Variants in IFTAP observed in about 807,000 individuals in gnomAD.
The protein encoded by IFTAP is intraflagellar transport-associated protein.
A neutral mutation model predicts 19.4 loss-of-function variants in IFTAP; 19 were observed. The ratio of observed to expected loss-of-function variants is 0.98; its 90% confidence interval spans 0.68 to 1.44. The LOEUF is 1.44. Among genes scored for constraint, IFTAP ranks in the 40% most tolerant of loss-of-function variants. The probability of loss-of-function intolerance (pLI) is 0.00; values close to 1 mark genes in which losing one functional copy is unlikely to be tolerated. For synonymous variants in IFTAP, 85 were observed against 83.5 expected, an observed-to-expected ratio of 1.02 and a Z score of -0.10; for missense variants, 240 against 253.6, an observed-to-expected ratio of 0.95 and a Z score of 0.36.
intron 4 of IFTAP, among the ~76,000 whole-genome samples, chr11:36,642,655 C>G (rs1853273991): frequency 6.6e-6 from 1 of 152,108 alleles, no homozygotes; most frequent in Non-Finnish European, 1.5e-5. Context: ...AAAGCTTACC[C>G]ACTATGATCA....
intron 4 of IFTAP, among the ~76,000 whole-genome samples, chr11:36,646,670 T>C (rs1291723698): frequency 6.6e-6 from 1 of 152,174 alleles, no homozygotes; most frequent in African/African-American, 2.4e-5. Context: ...GATAAGAGCA[T>C]GGGCTCTGTA....
chr11:36,594,790 T>G (rs1410245448), intron 1 of IFTAP, 198 bp downstream of exon 1: 2 of 153,426 alleles, frequency 1.3e-5, no homozygotes, highest in Non-Finnish European at 2.9e-5. Flanking sequence ...CAACTGCTTC[T>G]GTTGGAGTGC....
intron 1 of IFTAP, among the ~76,000 whole-genome samples, chr11:36,601,614 GAGTT>G (rs1053212170): frequency 9.9e-5 from 15 of 152,090 alleles, no homozygotes; most frequent in African/African-American, 3.4e-4. Context: ...AGAAGGAAAG[GAGTT>G]AGGAGTTTGT....
chr11:36,616,936 G>A (rs988289634), intron 2 of IFTAP, among the ~76,000 whole-genome samples: 3 of 151,648 alleles, frequency 2.0e-5, no homozygotes, highest in East Asian at 3.9e-4. Flanking sequence ...AACTTGGGTA[G>A]GTGAATCCGT....
intron 1 of IFTAP, among the ~76,000 whole-genome samples, chr11:36,598,493 A>G (rs1040920528): frequency 3.9e-5 from 6 of 152,260 alleles, no homozygotes; most frequent in South Asian, 2.1e-4. Context: ...TATAGTTTCT[A>G]TGGTTTAAAT....
At chr11:36,607,655 A>G (rs1429643383) in intron 1 of IFTAP, among the ~76,000 whole-genome samples, 1 of 149,818 alleles carries the variant, frequency 6.7e-6, no homozygotes, top group Non-Finnish European at 1.5e-5. Flanking sequence ...ACAGACCTGT[A>G]CAGTTGTAAT....
intron 3 of IFTAP, among the ~76,000 whole-genome samples, chr11:36,634,490 G>A (rs1852859170): frequency 6.6e-6 from 1 of 152,102 alleles, no homozygotes; most frequent in Non-Finnish European, 1.5e-5. Context: ...GGTCTGTTAT[G>A]CTCAGCTAAT....
intron 1 of IFTAP, among the ~76,000 whole-genome samples, chr11:36,596,308 C>A (rs867802): frequency 0.03 from 4,287 of 142,392 alleles, 83 homozygotes; most frequent in Middle Eastern, 0.049. Context: ...TATTTTCAGT[C>A]TACTTGGGAG....
chr11:36,618,712 T>C (rs928287717), intron 2 of IFTAP, among the ~76,000 whole-genome samples: 53 of 152,080 alleles, frequency 3.5e-4, no homozygotes, highest in African/African-American at 1.3e-3. Flanking sequence ...TGTGTAATGA[T>C]GCTCAAGTTT....
intron 5 of IFTAP, among the ~76,000 whole-genome samples, chr11:36,652,347 T>C (rs914634664): frequency 8.5e-5 from 13 of 152,220 alleles, no homozygotes; most frequent in Non-Finnish European, 1.8e-4. Context: ...GATTTGGCTC[T>C]CTGTTTGTCT....
intron 5 of IFTAP, 123 bp from the exon 6 acceptor site, chr11:36,658,896 C>T: frequency 1.6e-6 from 1 of 640,824 alleles, no homozygotes; most frequent in South Asian, 3.4e-5. Context: ...ACAGCTTAAT[C>T]AGCTGAGAGT....
chr11:36,637,240 T>G (rs1565023809), intron 4 of IFTAP, among the ~76,000 whole-genome samples: 1 of 152,194 alleles, frequency 6.6e-6, no homozygotes, highest in African/African-American at 2.4e-5. Context: ...TTTTGGTAAT[T>G]GGAAGAAATG....
At chr11:36,621,050 A>G (rs1852271094) in intron 2 of IFTAP, among the ~76,000 whole-genome samples, 1 of 152,078 alleles carries the variant, frequency 6.6e-6, no homozygotes, top group Non-Finnish European at 1.5e-5. Flanking sequence ...ATCTTTAAAT[A>G]GCCAATTTAA....
intron 2 of IFTAP, among the ~76,000 whole-genome samples, chr11:36,621,673 A>C (rs1852297451): frequency 6.6e-6 from 1 of 151,972 alleles, no homozygotes; most frequent in East Asian, 1.9e-4. Context: ...TGTTGAGGTC[A>C]TTTCAGTATT....
Position 36,596,019 on chromosome 11 carries a change from T to C in IFTAP, c.-24+1427T>C, listed in dbSNP as rs1293586103. On this transcript the variant is annotated intron_variant, in intron 1 of 5. Coordinates refer to ENST00000334307, the MANE Select transcript of IFTAP (RefSeq NM_138787.4). ...ACCCTTTGTCTAACTGGGGATAATC[T>C]TGGTATATATTCACTGGGCTGTTTT... Among the ~76,000 whole-genome samples, 13 of 152,318 alleles carry C rather than the reference T, an allele frequency of 8.5e-5. No homozygotes were observed. In the East Asian group the frequency reaches 2.5e-3, roughly 29 times the overall value.
rs555461954 is a variant in IFTAP at position 36,630,813 on chromosome 11, T to C, written c.137-2471T>C. On this transcript the variant is annotated intron_variant, in intron 2 of 5. Coordinates refer to ENST00000334307, the MANE Select transcript of IFTAP (RefSeq NM_138787.4). The stretch of plus-strand genomic sequence containing the variant: ...GATTTAAAGGATGAGCAGGGAAAAC[T>C]GAAACCGTTTCACCTTTTATTAGAA... Among the ~76,000 whole-genome samples, 20 of 151,370 alleles carry C rather than the reference T, an allele frequency of 1.3e-4. No homozygotes were observed. In the South Asian group the frequency reaches 4.2e-3, roughly 31 times the overall value.
chr11:36,658,525 A>G (rs554270559), intron 5 of IFTAP, among the ~76,000 whole-genome samples: 3 of 152,306 alleles, frequency 2.0e-5, no homozygotes, highest in Admixed American at 6.5e-5. Context: ...GCCAAGAGTT[A>G]TAGGTATTAT....
At chr11:36,597,078 C>G (rs1243184213) in intron 1 of IFTAP, among the ~76,000 whole-genome samples, 1 of 152,158 alleles carries the variant, frequency 6.6e-6, no homozygotes, top group Non-Finnish European at 1.5e-5. Context: ...CCTCTTGTAA[C>G]ATGGTTCAAG....
chr11:36,634,541 A>C (rs879486325), intron 3 of IFTAP, among the ~76,000 whole-genome samples: 5 of 152,180 alleles, frequency 3.3e-5, no homozygotes, highest in Non-Finnish European at 5.9e-5. Flanking sequence ...CTGAAGGGCT[A>C]CAAGATCAGC....
Sources: allele counts gnomAD v4.1 joint callset (sites outside exome capture counted in the v4.1 genomes callset), GRCh38; gene constraint gnomAD v4.1.1; transcripts MANE v1.5; gene names NCBI Gene and HGNC (gene_info 2026-07-23, HGNC 2026-07-21).